ZNF280D: variants seen among roughly 807,000 people sequenced by gnomAD.
ZNF280D encodes the protein suppressor of hairy wing homolog 4.
ZNF280D carries 39 observed loss-of-function variants against 94.7 expected under a neutral mutation model. That is an observed-to-expected ratio of 0.41 (90% CI 0.32 to 0.54). ZNF280D has a LOEUF of 0.54. Among genes scored for constraint, ZNF280D ranks in the 20% least tolerant of loss-of-function variants. The pLI is 0.22. For missense variants in ZNF280D, 1,090 were observed against 1,149.3 expected (o/e 0.95, Z 0.75); for synonymous variants, 398 against 377.6 (o/e 1.05, Z -0.63).
chr15:56,685,915 C>A (rs747115904), intron 9 of ZNF280D, among the ~76,000 whole-genome samples: 12 of 152,054 alleles, frequency 7.9e-5, no homozygotes, highest in Non-Finnish European at 1.5e-4. Context: ...CATATAGGAT[C>A]ACAAAAGAAA....
rs1342018065 is a variant in ZNF280D, at chr15:56,701,086, T to A, written c.242-14A>T. ...CAGCAGTAATACCTGTATTTTAAAG[T>A]AACACAATATATGGAAATTATTTGT... On this transcript the variant is annotated splice_polypyrimidine_tract_variant and intron_variant, in intron 5 of 21. Coordinates refer to ENST00000267807, the MANE Select transcript of ZNF280D (RefSeq NM_017661.4). 4.3e-6 allele frequency: 7 copies of A among 1,613,162 alleles called. No individual in the cohort carries two copies. The highest frequency in any genetic ancestry group is 5.9e-6 in the Non-Finnish European group (7 of 1,179,454).
intron 1 of ZNF280D, among the ~76,000 whole-genome samples, chr15:56,727,592 G>A (rs1303048929): frequency 6.6e-6 from 1 of 152,248 alleles, no homozygotes; most frequent in Non-Finnish European, 1.5e-5. Flanking sequence ...TCATGCGTAA[G>A]TGGCAGATTC....
intron 19 of ZNF280D, among the ~76,000 whole-genome samples, chr15:56,650,535 G>A (rs565970107): frequency 6.6e-6 from 1 of 152,236 alleles, no homozygotes; most frequent in Non-Finnish European, 1.5e-5. Context: ...ATGTCACTCA[G>A]AGAACTAAAT....
At chr15:56,698,099 C>T (rs1345867190) in intron 6 of ZNF280D, 3 of 152,166 alleles carry the variant, frequency 2.0e-5, no homozygotes, top group East Asian at 1.9e-4. Flanking sequence ...ACAGTTGGTA[C>T]TTTCTTAAAG....
At chr15:56,703,471 A>C (rs2057210482) in intron 4 of ZNF280D, among the ~76,000 whole-genome samples, 1 of 152,206 alleles carries the variant, frequency 6.6e-6, no homozygotes, top group Non-Finnish European at 1.5e-5. Context: ...AAACTCACTT[A>C]GTATATTCTG....
intron 1 of ZNF280D, among the ~76,000 whole-genome samples, chr15:56,724,565 A>C (rs2058539611): frequency 6.6e-6 from 1 of 152,234 alleles, no homozygotes; most frequent in Non-Finnish European, 1.5e-5. Context: ...GTATCTTATA[A>C]AATGAATACA....
chr15:56,726,833 A>C (rs2058652495), intron 1 of ZNF280D, among the ~76,000 whole-genome samples: 1 of 152,230 alleles, frequency 6.6e-6, no homozygotes, highest in African/African-American at 2.4e-5. Flanking sequence ...TTCCTCTATC[A>C]CCTTTGGTTC....
At chr15:56,684,603 G>A (rs1316696244) in intron 9 of ZNF280D, among the ~76,000 whole-genome samples, 1 of 151,636 alleles carries the variant, frequency 6.6e-6, no homozygotes, top group African/African-American at 2.4e-5. Flanking sequence ...ACATTGCAAG[G>A]GTGAAAGTAT....
intron 16 of ZNF280D, among the ~76,000 whole-genome samples, chr15:56,662,680 C>T (rs2054021425): frequency 6.6e-6 from 1 of 151,724 alleles, no homozygotes; most frequent in Non-Finnish European, 1.5e-5. Flanking sequence ...CAAAAATTAG[C>T]TGGGCATGTT....
At chr15:56,704,396 T>A (rs1229484889) in intron 3 of ZNF280D, 129 bp from the exon 4 acceptor site, 3 of 882,956 alleles carry the variant, frequency 3.4e-6, no homozygotes, top group Non-Finnish European at 5.2e-6. Flanking sequence ...TTGATATTTG[T>A]AGTCAGTATG....
intron 13 of ZNF280D, among the ~76,000 whole-genome samples, chr15:56,672,592 G>A (rs1382134169): frequency 1.3e-5 from 2 of 152,022 alleles, no homozygotes; most frequent in African/African-American, 2.4e-5. Flanking sequence ...GTATTTTGGT[G>A]AAGATTTTTG....
At chr15:56,653,885 G>A in intron 19 of ZNF280D, 7 of 1,241,098 alleles carry the variant, frequency 5.6e-6, no homozygotes, top group Non-Finnish European at 7.1e-6. Context: ...AAGATAAGGT[G>A]GAATAAGAAT....
At chr15:56,720,420 A>G (rs2058294504) in intron 1 of ZNF280D, among the ~76,000 whole-genome samples, 1 of 152,090 alleles carries the variant, frequency 6.6e-6, no homozygotes, top group Admixed American at 6.5e-5. Context: ...TACTTCCTCC[A>G]CTGAAACCTT....
At chr15:56,685,580 G>A (rs1177310087) in intron 9 of ZNF280D, among the ~76,000 whole-genome samples, 1 of 152,110 alleles carries the variant, frequency 6.6e-6, no homozygotes, top group Admixed American at 6.5e-5. Context: ...AGACAATATT[G>A]ACTAAAATCA....
In ZNF280D at chr15:56,689,485, A is replaced by G. The variant is rs1392976717; in HGVS notation, c.500-15T>C. ...TTCACTCATACCTACAATAATTTAA[A>G]TAGTGAGAAAAATATTTTTTAAAAT... On this transcript the variant is annotated splice_polypyrimidine_tract_variant and intron_variant, in intron 7 of 21. Coordinates refer to ENST00000267807, the MANE Select transcript of ZNF280D (RefSeq NM_017661.4). 5 of 1,427,610 alleles carry G rather than the reference A, an allele frequency of 3.5e-6. No individual in the cohort carries two copies. The African/African-American group carries it at 7.3e-5, about 21-fold the overall frequency. The allele number at this position is 1,427,610 out of a possible 1,614,324, so 88.4% of individuals were successfully genotyped here. A position where few individuals can be genotyped will look rare whatever the true frequency, so the allele number is the denominator to read the frequency against.
At chr15:56,669,973 T>A (rs866303986) in intron 13 of ZNF280D, among the ~76,000 whole-genome samples, 1 of 652 alleles carries the variant, frequency 1.5e-3, no homozygotes, top group African/African-American at 3.3e-3. Flanking sequence ...TATATATATA[T>A]AATATATATA....
chr15:56,687,791 A>G (rs2056128334), intron 9 of ZNF280D, among the ~76,000 whole-genome samples: 1 of 152,206 alleles, frequency 6.6e-6, no homozygotes, highest in South Asian at 2.1e-4. Context: ...CACAACGTGC[A>G]GTTATCCAGG....
Position 56,733,289 on chromosome 15 carries a change from G to GGCC in ZNF280D, c.-86+166_-86+168dup, listed in dbSNP as rs1163531134. ...CTGGGCCGACGCAAGATGGCGGTCC[G>GGCC]GCCGCCGCCGCGCAGCCGGTCTCCT... is the stretch of plus-strand genomic sequence containing the variant. On this transcript the variant is annotated intron_variant, in intron 1 of 21. Coordinates refer to ENST00000267807, the MANE Select transcript of ZNF280D (RefSeq NM_017661.4). 9.2e-5 allele frequency among the ~76,000 whole-genome samples: 14 copies of GGCC among 152,154 alleles called. No individual in the cohort carries two copies. The East Asian group carries it at 2.7e-3, about 30-fold the overall frequency.
intron 10 of ZNF280D, among the ~76,000 whole-genome samples, chr15:56,679,774 G>C (rs1486842270): frequency 6.6e-6 from 1 of 152,124 alleles, no homozygotes; most frequent in Admixed American, 6.5e-5. Flanking sequence ...CAATCATCAT[G>C]AAGATTATAA....
Sources: gnomAD v4.1 joint callset for allele counts (sites outside exome capture counted in the v4.1 genomes callset) on GRCh38, gnomAD v4.1.1 for gene constraint, MANE v1.5 for transcripts, NCBI Gene and HGNC (gene_info 2026-07-23, HGNC 2026-07-21) for gene names.